The following VIL1 variants were observed in gnomAD, a reference collection of about 807,000 sequenced individuals.
VIL1 encodes the protein villin 1, also known as villin-1.
VIL1 carries 86 observed loss-of-function variants against 104.0 expected under a neutral mutation model. The observed-to-expected ratio is 0.83, with a 90% confidence interval of 0.69 to 0.99. The LOEUF (loss-of-function observed/expected upper bound fraction) is 0.99. VIL1 is among the 50% of genes least tolerant of loss of function. The pLI is 0.00. For missense variants in VIL1, 944 were observed against 1,054.1 expected (o/e 0.90, Z 1.45); for synonymous variants, 394 against 412.6 (o/e 0.95, Z 0.55).
At chr2:218,430,410 G>T (rs977407352) in intron 9 of VIL1, among the ~76,000 whole-genome samples, 2 of 152,150 alleles carry the variant, frequency 1.3e-5, no homozygotes, top group Admixed American at 1.3e-4. Flanking sequence ...TTAGCATTGA[G>T]GTAGGGTCAC....
rs1331311868 is a variant in VIL1 at position 218,450,332 on chromosome 2, C to A, written c.*996C>A. The A allele has an allele frequency of 6.6e-6, 1 of 152,454 alleles. No individual in the cohort carries two copies. Among genetic ancestry groups the A allele is most frequent in the Non-Finnish European group, 1.5e-5 (1 of 68,012 alleles). The allele number at this position is 152,454 out of a possible 1,614,324, so 9.4% of individuals were successfully genotyped here. A position where few individuals can be genotyped will look rare whatever the true frequency, so the allele number is the denominator to read the frequency against. ...AAAAGGAAACAAAAACAAAGAAAAA[C>A]CGTAAAGGATACAGAGGAACAGTTC... is the stretch of plus-strand genomic sequence containing the variant. On this transcript the variant is annotated 3_prime_UTR_variant, in exon 20 of 20. Coordinates refer to ENST00000248444, the MANE Select transcript of VIL1 (RefSeq NM_007127.3).
chr2:218,429,872 G>T lies in VIL1; in HGVS notation c.873G>T (p.Gly291=). Residue 291 remains glycine, a synonymous_variant, in exon 9 of 20, where the codon GGG becomes GGT. Coordinates refer to ENST00000248444, the MANE Select transcript of VIL1 (RefSeq NM_007127.3). ...SHEDCYILDQ[G]GLKIYVWKGK... is the part of the protein sequence containing the mutation. Reference sequence around the variant, plus strand: ...AGGACTGTTACATCCTGGACCAGGGGGGCCTGAAGATCTACGTGTGGAAAG... The same window carrying T: ...AGGACTGTTACATCCTGGACCAGGGTGGCCTGAAGATCTACGTGTGGAAAG... The T allele has an allele frequency of 6.2e-7, 1 of 1,613,972 alleles. No homozygotes were observed. The highest frequency in any genetic ancestry group is 1.7e-5 in the Admixed American group (1 of 60,018).
At chr2:218,444,365 T>C (rs1689331171) in intron 19 of VIL1, among the ~76,000 whole-genome samples, 2 of 151,764 alleles carry the variant, frequency 1.3e-5, no homozygotes, top group African/African-American at 4.8e-5. Flanking sequence ...CTGCAAGCTC[T>C]GCCTCCTGGG....
intron 1 of VIL1, among the ~76,000 whole-genome samples, chr2:218,420,743 G>A (rs909672359): frequency 2.6e-5 from 4 of 151,882 alleles, no homozygotes; most frequent in Admixed American, 1.3e-4. Context: ...CCACCATCTC[G>A]CCCGGCTAAT....
At position 218,420,593 on chromosome 2, in the gene VIL1, G is replaced by GT. The variant is rs1269880736; in HGVS notation, c.-12+1435dup. 5.0e-3 allele frequency among the ~76,000 whole-genome samples: 549 copies of GT among 108,866 alleles called. 4 individuals are homozygous for GT. The highest frequency in any genetic ancestry group is 0.017 in the African/African-American group (492 of 29,798). The allele number at this position is 108,866 out of a possible 152,430, so 71.4% of individuals were successfully genotyped here. The stretch of plus-strand genomic sequence containing the variant: ...ATGAGTATTTGTTTTTTTTTTTTTT[G>GT]TTTTTTTTTTGAGAAGGAGTCTCAC... On this transcript the variant is annotated intron_variant, in intron 1 of 19. Coordinates refer to ENST00000248444, the MANE Select transcript of VIL1 (RefSeq NM_007127.3).
Position 218,437,428 on chromosome 2 carries a change from A to G in VIL1, c.2160+116A>G. 3.0e-6 allele frequency: 4 copies of G among 1,328,842 alleles called. No homozygotes were observed. The South Asian group carries it at 5.8e-5, about 19-fold the overall frequency. The allele number at this position is 1,328,842 out of a possible 1,614,324, so 82.3% of individuals were successfully genotyped here. A position where few individuals can be genotyped will look rare whatever the true frequency, so the allele number is the denominator to read the frequency against. ...TGACCTGCTGATTTAGAAAGGGGCT[A>G]GAGGAGGCTTAGAATAGAAAGTAAG... On this transcript the variant is annotated intron_variant, in intron 17 of 19. Transcript: ENST00000248444.
intron 14 of VIL1, 90 bp from the exon 15 acceptor site, chr2:218,435,199 T>A: frequency 6.4e-7 from 1 of 1,552,072 alleles, no homozygotes; most frequent in Non-Finnish European, 8.7e-7. Flanking sequence ...AGGAGAGCCC[T>A]CTTTGACCCC....
chr2:218,425,885 G>A, intron 4 of VIL1, 74 bp downstream of exon 4: 1 of 1,488,446 alleles, frequency 6.7e-7, no homozygotes, highest in Non-Finnish European at 9.1e-7. Context: ...CTGAGCTGAA[G>A]AGGCAGGGAC....
At chr2:218,445,015 G>C (rs879106606) in intron 19 of VIL1, among the ~76,000 whole-genome samples, 6 of 152,150 alleles carry the variant, frequency 3.9e-5, no homozygotes, top group African/African-American at 9.7e-5. Flanking sequence ...GAGGAACCTG[G>C]GGGGAGGGTG....
Position 218,430,605 on chromosome 2 carries a change from G to A in VIL1, c.949-120G>A. 3 of 1,355,824 alleles carry A rather than the reference G, an allele frequency of 2.2e-6. No individual in the cohort carries two copies. In the South Asian group the frequency reaches 4.5e-5, roughly 20 times the overall value. The allele number at this position is 1,355,824 out of a possible 1,614,324, so 84.0% of individuals were successfully genotyped here. On this transcript the variant is annotated intron_variant, in intron 9 of 19. Transcript: ENST00000248444. ...AGCATTGGGATTGGGTTTGGGTTCA[G>A]TTTTGGTGCCGGGGTAGATCTGATG... is the stretch of plus-strand genomic sequence containing the variant.
chr2:218,423,556 T>C lies in VIL1; in HGVS notation c.-11-212T>C, dbSNP rs191380608. On this transcript the variant is annotated intron_variant, in intron 1 of 19. Transcript: ENST00000248444. ...CCATCTCTCACTCCTTCCCTCCCCC[T>C]CTCTTCCTTATTGAGCAAAGTCACT... is the stretch of plus-strand genomic sequence containing the variant. Among the ~76,000 whole-genome samples, 617 of 152,124 alleles carry C rather than the reference T, an allele frequency of 4.1e-3. 3 individuals carry two copies. The highest frequency in any genetic ancestry group is 0.014 in the African/African-American group (591 of 41,498).
In VIL1 at chr2:218,430,875, G is replaced by A. The variant is rs757607972; in HGVS notation, c.1099G>A (p.Val367Met). 20 of 1,612,254 alleles carry A rather than the reference G, an allele frequency of 1.2e-5. No individual in the cohort carries two copies. The highest frequency in any genetic ancestry group is 1.6e-4 in the Middle Eastern group (1 of 6,078). The part of the protein sequence containing the change: ...GLGKTHTVGS[V>M]AKVEQVKFDA... ...AGGCAAAACCCACACTGTGGGCTCCGTGGGTGAGGGCCAGGCGGGGGCAGT... is the reference window on the plus strand; with the variant it reads ...AGGCAAAACCCACACTGTGGGCTCCATGGGTGAGGGCCAGGCGGGGGCAGT... The change falls in exon 10 of 20, where the codon GTG becomes ATG. Residue 367 changes from valine to methionine, a missense_variant. By Grantham distance (21) the Val-to-Met change is conservative. Transcript: ENST00000248444.
At position 218,430,753 on chromosome 2, in the gene VIL1, C is replaced by T; in HGVS notation, c.977C>T (p.Pro326Leu). The change falls in exon 10 of 20, where the codon CCA (proline) becomes CTA (leucine). Residue 326 changes from proline (P) to leucine (L), a missense_variant. Physicochemically the swap from Pro to Leu is moderately conservative, Grantham distance 98. Coordinates refer to ENST00000248444, the MANE Select transcript of VIL1 (RefSeq NM_007127.3). ...TTCATCAAAGCCAAGCAGTACCCACCAAGCACACAGGTGGAGGTGCAGAAT... is the reference window on the plus strand; with the variant it reads ...TTCATCAAAGCCAAGCAGTACCCACTAAGCACACAGGTGGAGGTGCAGAAT... ...LNFIKAKQYP[P>L]STQVEVQNDG... is the part of the protein sequence containing the mutation. 6.2e-7 allele frequency: 1 copy of T among 1,609,028 alleles called. No individual in the cohort carries two copies. Among genetic ancestry groups the T allele is most frequent in the Non-Finnish European group, 8.5e-7 (1 of 1,177,402 alleles).
At chr2:218,447,383 T>C (rs114456768) in intron 19 of VIL1, among the ~76,000 whole-genome samples, 6,100 of 152,252 alleles carry the variant, frequency 0.04, 160 homozygotes, top group East Asian at 0.12. Flanking sequence ...AATGGCACTA[T>C]CTTGGCTTAC....
chr2:218,443,354 C>A (rs754512608), intron 19 of VIL1, among the ~76,000 whole-genome samples: 1 of 151,956 alleles, frequency 6.6e-6, no homozygotes, highest in Non-Finnish European at 1.5e-5. Flanking sequence ...CACACCACCA[C>A]GCCTGTCTAA....
rs758240317 is a variant in VIL1 at position 218,434,706 on chromosome 2, G to T, written c.1680+1G>T. On this transcript the variant is annotated splice_donor_variant, in intron 14 of 19. Transcript: ENST00000248444. LOFTEE classifies it high-confidence loss of function. The stretch of plus-strand genomic sequence containing the variant: ...TTGCTGCTATCTATGGTGTGGGAAG[G>T]TGTGTTCAGGGTCTAGAGGCCTCCC... The T allele has an allele frequency of 6.2e-7, 1 of 1,611,760 alleles. No individual in the cohort carries two copies. The highest frequency in any genetic ancestry group is 8.5e-7 in the Non-Finnish European group (1 of 1,178,730).
intron 12 of VIL1, 81 bp from the exon 13 acceptor site, chr2:218,432,712 T>A (rs902051385): frequency 6.4e-7 from 1 of 1,567,100 alleles, no homozygotes; most frequent in African/African-American, 1.4e-5. Context: ...GACTTGAGGA[T>A]GGAGTTGTTG....
intron 10 of VIL1, chr2:218,431,319 C>A (rs928023624): frequency 2.1e-5 from 5 of 235,024 alleles, no homozygotes; most frequent in Non-Finnish European, 4.0e-5. Flanking sequence ...CCATTGCACT[C>A]CAGCCTGGGC....
At chr2:218,438,831 C>A in intron 18 of VIL1, 105 bp downstream of exon 18, 1 of 870,482 alleles carries the variant, frequency 1.1e-6, no homozygotes, top group Non-Finnish European at 1.8e-6. Flanking sequence ...TGTGCTTTCC[C>A]TCCTATTTCT....
Sources: allele counts gnomAD v4.1 joint callset (sites outside exome capture counted in the v4.1 genomes callset), GRCh38; gene constraint gnomAD v4.1.1; transcripts MANE v1.5; gene names NCBI Gene and HGNC (gene_info 2026-07-23, HGNC 2026-07-21).